Variants in PCDH17 observed in about 807,000 individuals in gnomAD.
PCDH17 encodes the protein protocadherin-17.
Under a neutral mutation model 67.7 loss-of-function variants are expected in PCDH17, and 21 were observed. That is an observed-to-expected ratio of 0.31 (90% CI 0.22 to 0.45). PCDH17 has a LOEUF of 0.45. Among genes scored for constraint, PCDH17 ranks in the 20% least tolerant of loss-of-function variants. PCDH17 has a pLI of 1.00. For missense variants in PCDH17, 1,471 were observed against 1,564.8 expected (o/e 0.94, Z 1.01); for synonymous variants, 701 against 656.7 (o/e 1.07, Z -1.03).
At chr13:57,679,583 A>G (rs1159799779) in intron 3 of PCDH17, among the ~76,000 whole-genome samples, 1 of 151,506 alleles carries the variant, frequency 6.6e-6, no homozygotes, top group African/African-American at 2.4e-5. Flanking sequence ...TATATATTTC[A>G]TGGAAATTGA....
intron 3 of PCDH17, among the ~76,000 whole-genome samples, chr13:57,717,461 C>T (rs1955828303): frequency 6.6e-6 from 1 of 151,964 alleles, no homozygotes; most frequent in South Asian, 2.1e-4. Flanking sequence ...CTCCGGTAAA[C>T]ATTTTACTAT....
intron 3 of PCDH17, among the ~76,000 whole-genome samples, chr13:57,700,326 T>TC (rs1955650193): frequency 6.6e-6 from 1 of 151,542 alleles, no homozygotes; most frequent in African/African-American, 2.4e-5. Flanking sequence ...TCTCTCTTTT[T>TC]TTTTTTTTTT....
chr13:57,642,169 G>T (rs754251754), intron 1 of PCDH17, among the ~76,000 whole-genome samples: 1 of 151,618 alleles, frequency 6.6e-6, no homozygotes, highest in Non-Finnish European at 1.5e-5. Flanking sequence ...AATATATGCT[G>T]TCTGAACAAT....
chr13:57,670,325 G>A (rs989115531), intron 3 of PCDH17, among the ~76,000 whole-genome samples: 1 of 151,682 alleles, frequency 6.6e-6, no homozygotes, highest in Non-Finnish European at 1.5e-5. Context: ...GATGATGACA[G>A]CCATATCCAA....
chr13:57,650,621 T>G (rs1050986334), intron 1 of PCDH17, among the ~76,000 whole-genome samples: 1 of 152,172 alleles, frequency 6.6e-6, no homozygotes, highest in Admixed American at 6.5e-5. Context: ...ATTTTCACTC[T>G]TCTCAAAATT....
intron 1 of PCDH17, among the ~76,000 whole-genome samples, chr13:57,660,682 A>G (rs1955171809): frequency 1.3e-5 from 2 of 152,168 alleles, no homozygotes; most frequent in South Asian, 4.1e-4. Flanking sequence ...TCTCTCTATC[A>G]TACTTTCCCT....
chr13:57,700,501 T>C (rs1955652189), intron 3 of PCDH17, among the ~76,000 whole-genome samples: 1 of 151,976 alleles, frequency 6.6e-6, no homozygotes, highest in Non-Finnish European at 1.5e-5. Flanking sequence ...GTATTTTTAG[T>C]AGAGACGGGG....
At chr13:57,656,284 CT>C (rs1174786181) in intron 1 of PCDH17, among the ~76,000 whole-genome samples, 1 of 151,956 alleles carries the variant, frequency 6.6e-6, no homozygotes, top group Non-Finnish European at 1.5e-5. Context: ...TCCATAGTAG[CT>C]AAATAAATTA....
chr13:57,725,417 A>G lies in PCDH17; in HGVS notation c.*123A>G. ...AGACCAATGCTGCTTTAAGGCTTTT[A>G]GTGAACATCTGAAGTGCCCACAAGT... On this transcript the variant is annotated 3_prime_UTR_variant, in exon 4 of 4. Coordinates refer to ENST00000377918, the MANE Select transcript of PCDH17 (RefSeq NM_001040429.3). 1.3e-6 allele frequency: 1 copy of G among 797,000 alleles called. No individual in the cohort carries two copies. The highest frequency in any genetic ancestry group is 1.7e-5 in the African/African-American group (1 of 57,820). 49.4% of individuals were successfully genotyped at this position (797,000 alleles called of 1,614,324 possible). A position where few individuals can be genotyped will look rare whatever the true frequency, so the allele number is the denominator to read the frequency against.
chr13:57,651,615 A>G (rs1955040525), intron 1 of PCDH17, among the ~76,000 whole-genome samples: 2 of 152,066 alleles, frequency 1.3e-5, no homozygotes, highest in South Asian at 2.1e-4. Flanking sequence ...TGGGATTACA[A>G]GTGTGAACCA....
intron 3 of PCDH17, among the ~76,000 whole-genome samples, chr13:57,717,654 C>T (rs1456765273): frequency 2.0e-5 from 3 of 152,054 alleles, no homozygotes; most frequent in Middle Eastern, 3.4e-3. Context: ...AAGCATTGTG[C>T]GATGCAGGTG....
At chr13:57,676,007 A>G (rs917338688) in intron 3 of PCDH17, among the ~76,000 whole-genome samples, 2 of 151,930 alleles carry the variant, frequency 1.3e-5, no homozygotes, top group Non-Finnish European at 2.9e-5. Flanking sequence ...ATTGCTTAGT[A>G]TTTTACTTGA....
At chr13:57,656,985 A>G (rs887273322) in intron 1 of PCDH17, among the ~76,000 whole-genome samples, 1 of 152,200 alleles carries the variant, frequency 6.6e-6, no homozygotes, top group Non-Finnish European at 1.5e-5. Flanking sequence ...GCTTTCATAG[A>G]TAACAAATAG....
chr13:57,702,143 C>G (rs1955671129), intron 3 of PCDH17, among the ~76,000 whole-genome samples: 1 of 152,026 alleles, frequency 6.6e-6, no homozygotes, highest in Non-Finnish European at 1.5e-5. Context: ...GTCTCGAGCT[C>G]CTGACCTCTG....
At chr13:57,693,779 CTTCTT>C (rs1347011392) in intron 3 of PCDH17, among the ~76,000 whole-genome samples, 2 of 150,812 alleles carry the variant, frequency 1.3e-5, no homozygotes, top group Middle Eastern at 3.2e-3. Context: ...TTTATAATCT[CTTCTT>C]TTCTTTAGAA....
chr13:57,708,521 T>C (rs1955742127), intron 3 of PCDH17, among the ~76,000 whole-genome samples: 1 of 152,038 alleles, frequency 6.6e-6, no homozygotes, highest in Admixed American at 6.6e-5. Flanking sequence ...AACATGTGCG[T>C]GAGGCAGACT....
chr13:57,680,749 G>T (rs530664695), intron 3 of PCDH17, among the ~76,000 whole-genome samples: 6 of 151,524 alleles, frequency 4.0e-5, no homozygotes, highest in Non-Finnish European at 8.9e-5. Context: ...TAATTGCTGT[G>T]CCCAAGACTT....
chr13:57,692,875 A>C (rs767780248), intron 3 of PCDH17, among the ~76,000 whole-genome samples: 1 of 151,316 alleles, frequency 6.6e-6, no homozygotes, highest in Non-Finnish European at 1.5e-5. Flanking sequence ...AGTAAGGTGA[A>C]ACATATCATA....
intron 1 of PCDH17, among the ~76,000 whole-genome samples, chr13:57,644,005 A>G (rs533228266): frequency 6.6e-5 from 10 of 151,888 alleles, no homozygotes; most frequent in South Asian, 4.1e-4. Flanking sequence ...TCATGAACCA[A>G]AGTGTAGAGT....
Sources: allele counts gnomAD v4.1 joint callset (sites outside exome capture counted in the v4.1 genomes callset), GRCh38; gene constraint gnomAD v4.1.1; transcripts MANE v1.5; gene names NCBI Gene and HGNC (gene_info 2026-07-23, HGNC 2026-07-21).